The following SMG1 variants were observed in gnomAD, a reference collection of about 807,000 sequenced individuals.
SMG1 encodes SMG1 nonsense mediated mRNA decay associated PI3K related kinase, also known as serine/threonine-protein kinase SMG1.
In SMG1, 22 loss-of-function variants were observed where a neutral mutation model predicts 419.9. The observed-to-expected ratio is 0.05, with a 90% CI of 0.04 to 0.07. The LOEUF is 0.07. Among genes scored for constraint, SMG1 ranks in the 10% least tolerant of loss-of-function variants. SMG1 has a pLI of 1.00. For synonymous variants in SMG1, 1,538 were observed against 1,553.5 expected (o/e 0.99, Z 0.23); for missense variants, 3,185 against 4,342.0 (o/e 0.73, Z 7.49).
At chr16:18,908,739 G>A (rs1192267562) in intron 1 of SMG1, among the ~76,000 whole-genome samples, 2 of 151,954 alleles carry the variant, frequency 1.3e-5, no homozygotes, top group African/African-American at 4.8e-5. Flanking sequence ...AATTAGCCAG[G>A]CGTGGTGGCA....
chr16:18,821,222 T>TACTCCTGGTTCAAAATATACCTG (rs1567322096), intron 55 of SMG1, among the ~76,000 whole-genome samples: 6 of 51,042 alleles, frequency 1.2e-4, no homozygotes, highest in Non-Finnish European at 1.7e-4. Context: ...AGTATGTTTC[T>TACTCCTGGTTCAAAATATACCTG]TTTTTTTTTT....
intron 12 of SMG1, among the ~76,000 whole-genome samples, 169 bp downstream of exon 12, chr16:18,876,962 A>G (rs1434399313): frequency 1.3e-5 from 2 of 152,176 alleles, no homozygotes; most frequent in East Asian, 3.8e-4. Flanking sequence ...GAAAGTATTC[A>G]GTATGATTCT....
intron 6 of SMG1, among the ~76,000 whole-genome samples, chr16:18,887,263 G>A (rs373415719): frequency 1.1e-4 from 16 of 152,058 alleles, no homozygotes; most frequent in African/African-American, 2.4e-4. Context: ...GAATAAGCCC[G>A]AGCTGGTGGC....
At chr16:18,863,522 A>C (rs1261619679) in intron 25 of SMG1, 128 bp downstream of exon 25, 3 of 829,108 alleles carry the variant, frequency 3.6e-6, no homozygotes, top group Non-Finnish European at 5.9e-6. Flanking sequence ...CATTTTCATA[A>C]TGGCAGTAAG....
chr16:18,810,368 A>C (rs1441359735), intron 62 of SMG1, among the ~76,000 whole-genome samples: 1 of 152,224 alleles, frequency 6.6e-6, no homozygotes, highest in African/African-American at 2.4e-5. Context: ...ACATTCTGTA[A>C]ACCAACTAAT....
At chr16:18,907,204 C>A (rs1362466220) in intron 1 of SMG1, among the ~76,000 whole-genome samples, 1 of 151,914 alleles carries the variant, frequency 6.6e-6, no homozygotes, top group East Asian at 1.9e-4. Flanking sequence ...ATCACTTGAA[C>A]CCAGGAGGCG....
At chr16:18,853,942 CAA>C in intron 30 of SMG1, 75 bp from the exon 31 acceptor site, 1 of 1,320,942 alleles carries the variant, frequency 7.6e-7, no homozygotes, top group Non-Finnish European at 1.0e-6. Context: ...GATTAGGAAA[CAA>C]ATATCAACAT....
chr16:18,815,430 G>A lies in SMG1; in HGVS notation c.10514+10C>T. 1.2e-6 allele frequency: 2 copies of A among 1,612,314 alleles called. No individual in the cohort carries two copies. On this transcript the variant is annotated intron_variant, in intron 59 of 62. Coordinates refer to ENST00000446231, the MANE Select transcript of SMG1 (RefSeq NM_015092.5). ...ATGTTTTATAAATTCTGACCAGAAG[G>A]CATTCTTACCTCTGACTTTGTGTTT...
chr16:18,886,401 C>T (rs1014997953), intron 6 of SMG1, among the ~76,000 whole-genome samples: 5 of 151,996 alleles, frequency 3.3e-5, no homozygotes, highest in African/African-American at 9.7e-5. Context: ...ATTTGTCATT[C>T]CATTGAAAGA....
intron 1 of SMG1, among the ~76,000 whole-genome samples, chr16:18,901,910 A>G (rs1412627980): frequency 7.5e-6 from 1 of 132,664 alleles, no homozygotes; most frequent in Non-Finnish European, 1.6e-5. Flanking sequence ...ATGCCACTGC[A>G]CTCCAGCCTG....
chr16:18,827,594 T>A (rs1281942946), intron 55 of SMG1, among the ~76,000 whole-genome samples: 2 of 143,110 alleles, frequency 1.4e-5, no homozygotes. Context: ...TATTTTTAGA[T>A]ATATTTGGTA....
At chr16:18,861,272 C>T (rs1230527507) in intron 25 of SMG1, 1 of 152,334 alleles carries the variant, frequency 6.6e-6, no homozygotes, top group Middle Eastern at 3.4e-3. Flanking sequence ...CCTTTTTCAC[C>T]TACTTCTCTT....
At position 18,817,288 on chromosome 16, in the gene SMG1, C is replaced by T. The variant is rs775863436; in HGVS notation, c.10074+3G>A. 6.2e-7 allele frequency: 1 copy of T among 1,605,776 alleles called. No individual in the cohort carries two copies. Among genetic ancestry groups the T allele is most frequent in the Non-Finnish European group, 8.5e-7 (1 of 1,176,784 alleles). On this transcript the variant is annotated splice_donor_region_variant and intron_variant, in intron 57 of 62. Transcript: ENST00000446231. ...AATCAAGTTTCTTTCCACCAAGACT[C>T]ACCACTCTCTGTAATAAACGAAGCT... is the stretch of plus-strand genomic sequence containing the variant.
rs754610768 is a variant in SMG1 at position 18,869,096 on chromosome 16, T to C, written c.2833+8A>G. 40 of 1,605,354 alleles carry C rather than the reference T, an allele frequency of 2.5e-5. No individual in the cohort carries two copies. The highest frequency in any genetic ancestry group is 2.2e-4 in the Admixed American group (13 of 59,968). On this transcript the variant is annotated splice_region_variant and intron_variant, in intron 20 of 62. Coordinates refer to ENST00000446231, the MANE Select transcript of SMG1 (RefSeq NM_015092.5). Reference sequence around the variant, plus strand: ...AAGTATTCACATCACAAAGCTTGAGTGAGTTACCTTCAATTGTCTGGAAGG... The same window carrying C: ...AAGTATTCACATCACAAAGCTTGAGCGAGTTACCTTCAATTGTCTGGAAGG...
At chr16:18,915,524 G>A (rs1259613415) in intron 1 of SMG1, among the ~76,000 whole-genome samples, 1 of 152,108 alleles carries the variant, frequency 6.6e-6, no homozygotes, top group Non-Finnish European at 1.5e-5. Context: ...CAAATATAGA[G>A]TGGATGCTAT....
intron 1 of SMG1, among the ~76,000 whole-genome samples, chr16:18,909,111 G>A (rs1474639599): frequency 4.6e-5 from 7 of 150,784 alleles, no homozygotes; most frequent in African/African-American, 1.7e-4. Flanking sequence ...AGGAGGCCGA[G>A]GCAGGTGGAT....
chr16:18,912,985 G>A (rs918841209), intron 1 of SMG1, among the ~76,000 whole-genome samples: 1 of 152,008 alleles, frequency 6.6e-6, no homozygotes, highest in Non-Finnish European at 1.5e-5. Context: ...CCCAGGATTT[G>A]TTTTCTTTTC....
At chr16:18,898,482 C>A (rs1178459734) in intron 1 of SMG1, among the ~76,000 whole-genome samples, 1 of 151,986 alleles carries the variant, frequency 6.6e-6, no homozygotes, top group Non-Finnish European at 1.5e-5. Flanking sequence ...CTCAATGGAC[C>A]ATAACTTTTT....
chr16:18,842,073 T>C, intron 40 of SMG1, 135 bp downstream of exon 40: 1 of 985,680 alleles, frequency 1.0e-6, no homozygotes, highest in Non-Finnish European at 1.5e-6. Flanking sequence ...GCACATAAGA[T>C]ATAGGGCACT....
Sources: allele counts gnomAD v4.1 joint callset (sites outside exome capture counted in the v4.1 genomes callset), GRCh38; gene constraint gnomAD v4.1.1; transcripts MANE v1.5; gene names NCBI Gene and HGNC (gene_info 2026-07-23, HGNC 2026-07-21).